WDR27: variants seen among roughly 807,000 people sequenced by gnomAD.
WDR27 encodes WD repeat-containing protein 27.
A neutral mutation model predicts 114.4 loss-of-function variants in WDR27; 100 were observed. The ratio of observed to expected loss-of-function variants is 0.87; its 90% confidence interval spans 0.74 to 1.03. The LOEUF is 1.03. WDR27 is among the 50% of genes least tolerant of loss of function. WDR27 has a pLI of 0.00. For synonymous variants in WDR27, 449 were observed against 423.1 expected, an observed-to-expected ratio of 1.06 and a Z score of -0.75; for missense variants, 1,129 against 1,092.9, an observed-to-expected ratio of 1.03 and a Z score of -0.47.
the WDR27 span, among the ~76,000 whole-genome samples, chr6:169,428,947 G>A: frequency 1.3e-5 from 2 of 152,162 alleles, no homozygotes; most frequent in Non-Finnish European, 2.9e-5. Flanking sequence ...TGTCCTCACT[G>A]GAAATGGAGC....
At chr6:169,675,593 T>C (rs192772879) in intron 2 of WDR27, among the ~76,000 whole-genome samples, 2 of 152,142 alleles carry the variant, frequency 1.3e-5, no homozygotes, top group Admixed American at 6.5e-5. Context: ...TCAAATACAC[T>C]TAAGAAATAC....
intron 13 of WDR27, among the ~76,000 whole-genome samples, chr6:169,654,805 C>G (rs1562829318): frequency 6.6e-6 from 1 of 151,498 alleles, no homozygotes; most frequent in East Asian, 1.9e-4. Context: ...GAGGCGCGCT[C>G]AGGAGGAGGA....
chr6:169,549,383 T>C (rs2128101287), intron 25 of WDR27, among the ~76,000 whole-genome samples: 1 of 152,226 alleles, frequency 6.6e-6, no homozygotes, highest in Admixed American at 6.5e-5. Flanking sequence ...CAAATGCTGG[T>C]GAGGATGTGG....
chr6:169,446,011 A>C, the WDR27 span, among the ~76,000 whole-genome samples: 2 of 152,238 alleles, frequency 1.3e-5, no homozygotes, highest in African/African-American at 4.8e-5. Context: ...GTGGCACTTA[A>C]TGAAAGGGCT....
At chr6:169,539,252 C>A (rs1338435846) in intron 25 of WDR27, among the ~76,000 whole-genome samples, 2 of 152,218 alleles carry the variant, frequency 1.3e-5, no homozygotes, top group African/African-American at 2.4e-5. Context: ...TGGACCTCCA[C>A]ATCCTTCATT....
intron 21 of WDR27, among the ~76,000 whole-genome samples, chr6:169,628,739 C>G (rs1815530033): frequency 6.6e-6 from 1 of 152,092 alleles, no homozygotes; most frequent in South Asian, 2.1e-4. Context: ...GTTATTCCAC[C>G]CGTGACTACC....
intron 24 of WDR27, among the ~76,000 whole-genome samples, chr6:169,574,142 G>A (rs73037155): frequency 2.0e-5 from 3 of 152,382 alleles, no homozygotes; most frequent in Non-Finnish European, 4.4e-5. Flanking sequence ...ACACCCAGGT[G>A]TGCTTCAGAG....
At chr6:169,435,432 A>G in the WDR27 span, among the ~76,000 whole-genome samples, 2 of 152,156 alleles carry the variant, frequency 1.3e-5, no homozygotes, top group East Asian at 3.9e-4. Context: ...CAAACACTCA[A>G]TGCCAGCCCA....
intron 21 of WDR27, among the ~76,000 whole-genome samples, chr6:169,631,631 C>T (rs959469173): frequency 6.6e-6 from 1 of 152,124 alleles, no homozygotes; most frequent in Admixed American, 6.5e-5. Context: ...TCTGAAGAGC[C>T]ATCCAGACCG....
At chr6:169,529,879 A>G (rs1307749252) in intron 25 of WDR27, among the ~76,000 whole-genome samples, 1 of 152,258 alleles carries the variant, frequency 6.6e-6, no homozygotes, top group African/African-American at 2.4e-5. Flanking sequence ...GTAATTCACA[A>G]ACTTCAATAG....
At chr6:169,551,915 G>A (rs930349317) in intron 25 of WDR27, among the ~76,000 whole-genome samples, 8 of 152,224 alleles carry the variant, frequency 5.3e-5, no homozygotes, top group African/African-American at 1.7e-4. Context: ...CCTGCGTACT[G>A]ATAAAACTTT....
chr6:169,650,572 T>C (rs1388126574), intron 14 of WDR27, among the ~76,000 whole-genome samples: 7 of 107,508 alleles, frequency 6.5e-5, no homozygotes, highest in African/African-American at 2.2e-4. Flanking sequence ...CATGCACCCA[T>C]TCATCCATTG....
intron 23 of WDR27, among the ~76,000 whole-genome samples, chr6:169,583,208 A>G (rs1182512196): frequency 2.6e-5 from 4 of 151,558 alleles, no homozygotes; most frequent in Non-Finnish European, 5.9e-5. Context: ...CCCTGTGAAC[A>G]GTTTTAAATA....
Position 169,608,637 on chromosome 6 carries a change from A to T in WDR27, c.2321+4922T>A, listed in dbSNP as rs145761702. Among the ~76,000 whole-genome samples the T allele has an allele frequency of 3.1e-3, 465 of 152,318 alleles. 5 individuals carry two copies. The highest frequency in any genetic ancestry group is 0.026 in the East Asian group (135 of 5,168). On this transcript the variant is annotated intron_variant, in intron 22 of 25. Transcript: ENST00000448612. ...TTATTTCCAACCAGGTCCCTCCCAC[A>T]ACACATGGGAATTATGGGAGTACAA...
At chr6:169,582,555 T>C (rs1302903327) in intron 24 of WDR27, among the ~76,000 whole-genome samples, 1 of 152,130 alleles carries the variant, frequency 6.6e-6, no homozygotes, top group Non-Finnish European at 1.5e-5. Flanking sequence ...GGTCTTCCCA[T>C]ACGTTCCTGT....
intron 25 of WDR27, among the ~76,000 whole-genome samples, chr6:169,566,155 C>G (rs538796580): frequency 2.0e-5 from 3 of 151,432 alleles, no homozygotes; most frequent in African/African-American, 7.2e-5. Flanking sequence ...TATTGTTACT[C>G]GTTAGAAGAA....
chr6:169,530,287 G>A (rs571965411), intron 25 of WDR27, among the ~76,000 whole-genome samples: 12 of 152,254 alleles, frequency 7.9e-5, no homozygotes, highest in Middle Eastern at 3.4e-3. Context: ...ACACTGATTG[G>A]TCCATGCACT....
intron 25 of WDR27, among the ~76,000 whole-genome samples, chr6:169,489,514 G>A (rs1331069222): frequency 6.6e-5 from 10 of 152,156 alleles, no homozygotes; most frequent in Non-Finnish European, 2.9e-5. Context: ...GCCGTCGCCC[G>A]CTGTGATCTA....
At position 169,520,499 on chromosome 6, in the gene WDR27, A is replaced by G. The variant is rs567630313; in HGVS notation, c.2645+51920T>C. On this transcript the variant is annotated intron_variant, in intron 25 of 25. Transcript: ENST00000448612. ...AATACAAAGACACAGATGTACATGC[A>G]CACGAAACAACAGCAAACAGGGAAC... Among the ~76,000 whole-genome samples, 6 of 152,360 alleles carry G rather than the reference A, an allele frequency of 3.9e-5. No individual in the cohort carries two copies. In the East Asian group the frequency reaches 7.7e-4, roughly 20 times the overall value.
Sources: allele counts gnomAD v4.1 joint callset (sites outside exome capture counted in the v4.1 genomes callset), GRCh38; gene constraint gnomAD v4.1.1; transcripts MANE v1.5; gene names NCBI Gene and HGNC (gene_info 2026-07-23, HGNC 2026-07-21).